Variants in UTY observed in about 807,000 individuals in gnomAD.
UTY encodes ubiquitously transcribed tetratricopeptide repeat containing, Y-linked, also known as histone demethylase UTY.
UTY carries 12 observed loss-of-function variants against 32.5 expected under a neutral mutation model. The ratio of observed to expected loss-of-function variants is 0.37; its 90% CI spans 0.24 to 0.60. The LOEUF (loss-of-function observed/expected upper bound fraction) is 0.60. Among genes scored for constraint, UTY ranks in the 20% least tolerant of loss-of-function variants. The pLI is 0.69. For missense variants in UTY, 303 were observed against 299.2 expected (o/e 1.01, Z -0.09); for synonymous variants, 131 against 103.4 (o/e 1.27, Z -1.62).
intron 2 of UTY, among the ~76,000 whole-genome samples, chrY:13,472,640 A>G: frequency 3.0e-5 from 1 of 33,855 alleles, no homozygotes; most frequent in Non-Finnish European, 7.3e-5. Flanking sequence ...CACAATAGCA[A>G]AGATAGGTAA....
Position 13,441,673 on chromosome Y carries a change from C to T in UTY, c.375+7344G>A, listed in dbSNP as rs372473197. On this transcript the variant is annotated intron_variant, in intron 4 of 29. Coordinates refer to ENST00000545955, the MANE Select transcript of UTY (RefSeq NM_001258249.2). ...ACAGTTCAAGGCCATCTCATTTCAT[C>T]CCATTTTCTAGGTTCCCTTCTTTAA... Among the ~76,000 whole-genome samples the T allele has an allele frequency of 0.013, 450 of 33,608 alleles. No homozygotes were observed. The Middle Eastern group carries it at 0.26, about 19-fold the overall frequency. The allele number at this position is 33,608 out of a possible 37,273, so 90.2% of individuals were successfully genotyped here.
chrY:13,416,247 C>CCTGCTGT (rs2071675946), intron 4 of UTY, among the ~76,000 whole-genome samples: 1 of 34,289 alleles, frequency 2.9e-5, no homozygotes, highest in Non-Finnish European at 7.3e-5. Flanking sequence ...GTTATGAATG[C>CCTGCTGT]CTGCTGTCCT....
intron 18 of UTY, among the ~76,000 whole-genome samples, chrY:13,329,291 G>A: frequency 3.0e-5 from 1 of 33,582 alleles, no homozygotes; most frequent in Non-Finnish European, 7.4e-5. Flanking sequence ...ATAATGTTTA[G>A]ATTGTCTAGT....
At chrY:13,274,478 A>G in intron 27 of UTY, among the ~76,000 whole-genome samples, 1 of 32,750 alleles carries the variant, frequency 3.1e-5, no homozygotes, top group Non-Finnish European at 7.4e-5. Flanking sequence ...ATGTACCTCC[A>G]AACTTGAAGT....
In UTY at chrY:13,326,325, T is replaced by C. The variant is rs776766497; in HGVS notation, c.2860A>G (p.Asn954Asp). The C allele has an allele frequency of 2.5e-6, 1 of 396,587 alleles. No homozygotes were observed. The highest frequency in any genetic ancestry group is 9.2e-5 in the East Asian group (1 of 10,821). Residue 954 changes from asparagine to aspartate, a missense_variant, in exon 19 of 30, where the codon AAT becomes GAT. Physicochemically the swap from Asn to Asp is conservative, Grantham distance 23. Transcript: ENST00000545955. ...CRNPGKNGLS[N>D]SCILLDKCPP... Reference sequence around the variant, plus strand: ...CATTTATCTAACAAAATGCAGCTATTAGACAAGCCATTTTTACCTGGATTC... The same window carrying C: ...CATTTATCTAACAAAATGCAGCTATCAGACAAGCCATTTTTACCTGGATTC...
intron 28 of UTY, among the ~76,000 whole-genome samples, chrY:13,238,340 T>C (rs935568168): frequency 6.0e-5 from 2 of 33,418 alleles, no homozygotes; most frequent in Non-Finnish European, 1.5e-4. Context: ...GTGTATCAGA[T>C]GTAGGCCTGG....
At chrY:13,396,796 C>T in intron 7 of UTY, 122 bp downstream of exon 7, 1 of 145,311 alleles carries the variant, frequency 6.9e-6, no homozygotes, top group East Asian at 1.6e-4. Flanking sequence ...TTTAAACTCT[C>T]TGAATCAGGC....
At chrY:13,259,035 C>A (rs2055049639) in intron 28 of UTY, among the ~76,000 whole-genome samples, 1 of 34,761 alleles carries the variant, frequency 2.9e-5, no homozygotes, top group Non-Finnish European at 7.2e-5. Flanking sequence ...CGCTTAAAGG[C>A]ATTCTTAAGC....
At chrY:13,334,630 A>C in intron 18 of UTY, among the ~76,000 whole-genome samples, 6 of 33,941 alleles carry the variant, frequency 1.8e-4, no homozygotes, top group South Asian at 6.6e-4. Flanking sequence ...AGAAACGCAC[A>C]TCAAAACCAC....
chrY:13,271,139 T>A, intron 27 of UTY, among the ~76,000 whole-genome samples: 1 of 32,854 alleles, frequency 3.0e-5, no homozygotes, highest in African/African-American at 1.2e-4. Context: ...TCTAACTTAA[T>A]CAATAACCTA....
chrY:13,366,099 T>C, intron 10 of UTY, among the ~76,000 whole-genome samples, 168 bp downstream of exon 10: 2 of 33,891 alleles, frequency 5.9e-5, no homozygotes. Context: ...CCTGACCTTG[T>C]GATCCACCCG....
intron 3 of UTY, among the ~76,000 whole-genome samples, chrY:13,449,485 T>C (rs765008324): frequency 3.0e-5 from 1 of 33,436 alleles, no homozygotes; most frequent in East Asian, 7.8e-4. Flanking sequence ...CTATTATCTA[T>C]AGTTTAATTC....
intron 3 of UTY, among the ~76,000 whole-genome samples, chrY:13,455,391 T>C (rs957786001): frequency 5.1e-4 from 17 of 33,224 alleles, no homozygotes; most frequent in African/African-American, 1.9e-3. Context: ...AGAAAGACTA[T>C]CCATAATCAC....
chrY:13,466,744 T>C, intron 3 of UTY, among the ~76,000 whole-genome samples: 3 of 33,870 alleles, frequency 8.9e-5, no homozygotes, highest in Non-Finnish European at 1.5e-4. Context: ...GAAAGAAGAA[T>C]AGAAGAGAGA....
chrY:13,360,555 C>A, intron 10 of UTY, 27 bp from the exon 11 acceptor site: 3 of 345,247 alleles, frequency 8.7e-6, no homozygotes, highest in Non-Finnish European at 1.2e-5. Flanking sequence ...TAAATAAATA[C>A]AATTCCATTA....
chrY:13,257,529 T>C, intron 28 of UTY, among the ~76,000 whole-genome samples: 2 of 33,752 alleles, frequency 5.9e-5, no homozygotes, highest in African/African-American at 1.2e-4. Context: ...AAAGGCCAGA[T>C]GTTATCAGCA....
At chrY:13,376,305 T>C (rs767401197) in intron 8 of UTY, among the ~76,000 whole-genome samples, 1 of 33,466 alleles carries the variant, frequency 3.0e-5, no homozygotes, top group South Asian at 6.6e-4. Flanking sequence ...TTATCAAATA[T>C]AAGTATTTTT....
intron 4 of UTY, among the ~76,000 whole-genome samples, chrY:13,432,003 G>C: frequency 3.0e-5 from 1 of 33,095 alleles, no homozygotes. Flanking sequence ...ACCTGAAAAA[G>C]ATCAAGGAAG....
intron 25 of UTY, among the ~76,000 whole-genome samples, chrY:13,302,520 C>T: frequency 3.0e-5 from 1 of 33,238 alleles, no homozygotes; most frequent in Non-Finnish European, 7.4e-5. Context: ...CTCACTGCAG[C>T]CTCAACCTCC....
Sources: gnomAD v4.1 joint callset for allele counts (sites outside exome capture counted in the v4.1 genomes callset) on GRCh38, gnomAD v4.1.1 for gene constraint, MANE v1.5 for transcripts, NCBI Gene and HGNC (gene_info 2026-07-23, HGNC 2026-07-21) for gene names.